Variants in HEG1 observed in about 807,000 individuals in gnomAD.
The protein encoded by HEG1 is protein HEG homolog 1.
HEG1 carries 56 observed loss-of-function variants against 125.6 expected under a neutral mutation model. The ratio of observed to expected loss-of-function variants is 0.45; its 90% confidence interval spans 0.36 to 0.56. HEG1 has a LOEUF of 0.56. Ranked by LOEUF, HEG1 falls within the 20% of genes least tolerant of loss-of-function variation. The pLI, the probability that HEG1 is intolerant of heterozygous loss-of-function variation, is 0.00. For synonymous variants in HEG1, 644 were observed against 668.5 expected (o/e 0.96, Z 0.57); for missense variants, 1,523 against 1,670.0 (o/e 0.91, Z 1.53).
intron 4 of HEG1, among the ~76,000 whole-genome samples, chr3:125,020,580 C>T (rs1397465984): frequency 6.6e-6 from 1 of 152,136 alleles, no homozygotes; most frequent in Non-Finnish European, 1.5e-5. Flanking sequence ...ACACTCAGAG[C>T]CGTAGTTTTC....
chr3:124,980,994 A>T (rs1936639574), intron 14 of HEG1, among the ~76,000 whole-genome samples: 1 of 151,242 alleles, frequency 6.6e-6, no homozygotes, highest in East Asian at 2.0e-4. Context: ...AGCTGGGACC[A>T]CGGGCGCAAC....
In HEG1 at chr3:125,020,792, T is replaced by G; in HGVS notation, c.1252A>C (p.Thr418Pro). The change falls in exon 4 of 17, where the codon ACC becomes CCC. Residue 418 changes from threonine to proline, a missense_variant and splice_region_variant. Transcript: ENST00000311127. ...TSLRWQNDSP[T>P]FGEHQLASSS... Reference sequence around the variant, plus strand: ...GATCAAGTAAAGATGGAATACTTACTTGGGGAATCATTTTGCCAACGCAAA... The same window carrying G: ...GATCAAGTAAAGATGGAATACTTACGTGGGGAATCATTTTGCCAACGCAAA... 1.2e-6 allele frequency: 2 copies of G among 1,610,636 alleles called. No homozygotes were observed. The highest frequency in any genetic ancestry group is 1.7e-6 in the Non-Finnish European group (2 of 1,177,682).
chr3:125,035,081 C>G lies in HEG1; in HGVS notation c.317-5593G>C, dbSNP rs144958154. On this transcript the variant is annotated intron_variant, in intron 1 of 16. Coordinates refer to ENST00000311127, the MANE Select transcript of HEG1 (RefSeq NM_020733.2). ...CTGGGTTCAAGCAATTCTCATGCCTCAGCCTCCTGAGTAGCTGAGATTACA... is the reference window on the plus strand; with the variant it reads ...CTGGGTTCAAGCAATTCTCATGCCTGAGCCTCCTGAGTAGCTGAGATTACA... Among the ~76,000 whole-genome samples the G allele has an allele frequency of 4.3e-3, 655 of 152,306 alleles. 9 individuals are homozygous for G. Among genetic ancestry groups the G allele is most frequent in the African/African-American group, 0.015 (632 of 41,556 alleles).
At chr3:124,994,888 C>T (rs564390420) in intron 12 of HEG1, among the ~76,000 whole-genome samples, 106 of 152,344 alleles carry the variant, frequency 7.0e-4, no homozygotes, top group African/African-American at 2.4e-3. Context: ...TATTTGCTGC[C>T]TTATCATCCA....
chr3:125,042,156 A>G (rs563370224), intron 1 of HEG1, among the ~76,000 whole-genome samples: 216 of 152,354 alleles, frequency 1.4e-3, no homozygotes, highest in African/African-American at 5.1e-3. Context: ...GGCCAAACGC[A>G]GTGGCTCATG....
chr3:125,019,279 G>A lies in HEG1; in HGVS notation c.1571C>T (p.Pro524Leu). 1 of 1,609,524 alleles carries A rather than the reference G, an allele frequency of 6.2e-7. No individual in the cohort carries two copies. Among genetic ancestry groups the A allele is most frequent in the Non-Finnish European group, 8.5e-7 (1 of 1,176,032 alleles). The change falls in exon 5 of 17, where the codon CCA becomes CTA. Residue 524 changes from proline (P) to leucine (L), a missense_variant. Coordinates refer to ENST00000311127, the MANE Select transcript of HEG1 (RefSeq NM_020733.2). Reference sequence around the variant, plus strand: ...AAACTCACTCGAACGTTCTCCACGTGGTGCTGATGAATTCAAGCTTTCCGA... The same window carrying A: ...AAACTCACTCGAACGTTCTCCACGTAGTGCTGATGAATTCAAGCTTTCCGA... ...SSSESLNSSA[P>L]RGERSIAGIS...
intron 12 of HEG1, among the ~76,000 whole-genome samples, chr3:124,992,022 T>C (rs1306944337): frequency 2.0e-5 from 3 of 152,324 alleles, no homozygotes; most frequent in Admixed American, 6.5e-5. Flanking sequence ...TCCCCTTCTT[T>C]AATGTAAATC....
intron 12 of HEG1, 91 bp from the exon 13 acceptor site, chr3:124,991,077 G>T: frequency 1.1e-6 from 1 of 923,210 alleles, no homozygotes; most frequent in Non-Finnish European, 1.7e-6. Context: ...AAGTCCACAA[G>T]ATTATTCTAG....
chr3:125,035,514 A>C (rs1937541013), intron 1 of HEG1, among the ~76,000 whole-genome samples: 1 of 152,186 alleles, frequency 6.6e-6, no homozygotes, highest in Non-Finnish European at 1.5e-5. Context: ...AAATATTTTC[A>C]ACGTGCTGAG....
At chr3:125,019,677 T>G in intron 4 of HEG1, 80 bp from the exon 5 acceptor site, 1 of 1,093,062 alleles carries the variant, frequency 9.1e-7, no homozygotes, top group Non-Finnish European at 1.3e-6. Context: ...GAGACCTCTC[T>G]AGGGAAAGAT....
chr3:124,983,789 CAT>C (rs1164958524), intron 14 of HEG1, among the ~76,000 whole-genome samples: 1 of 152,180 alleles, frequency 6.6e-6, no homozygotes, highest in African/African-American at 2.4e-5. Context: ...CAGTGCCCCA[CAT>C]GATTGTCACT....
At chr3:125,016,712 G>A (rs1258587754) in intron 5 of HEG1, among the ~76,000 whole-genome samples, 1 of 152,146 alleles carries the variant, frequency 6.6e-6, no homozygotes, top group Non-Finnish European at 1.5e-5. Context: ...TCATCAATTA[G>A]GATTCTTATA....
intron 16 of HEG1, chr3:124,971,964 A>G (rs894600169): frequency 2.0e-5 from 3 of 152,030 alleles, no homozygotes; most frequent in Non-Finnish European, 4.4e-5. Flanking sequence ...AATTAAAAAA[A>G]GAAAAAAATT....
chr3:124,982,999 C>CA (rs1295540350), intron 14 of HEG1, among the ~76,000 whole-genome samples: 1 of 152,190 alleles, frequency 6.6e-6, no homozygotes, highest in East Asian at 1.9e-4. Context: ...AGATACATGG[C>CA]AAAGAGTGGA....
At chr3:124,971,135 CA>C (rs1165380693) in intron 16 of HEG1, 11 of 487,286 alleles carry the variant, frequency 2.3e-5, no homozygotes, top group Non-Finnish European at 3.6e-5. Flanking sequence ...AGTTGGATCT[CA>C]AAAAAAGGCT....
At chr3:124,971,117 A>C in intron 16 of HEG1, 2 of 503,542 alleles carry the variant, frequency 4.0e-6, no homozygotes, top group Non-Finnish European at 7.7e-6. Context: ...AGCAATCCTC[A>C]AGTGACCAGT....
intron 8 of HEG1, 63 bp from the exon 9 acceptor site, chr3:125,005,431 T>C (rs988182610): frequency 3.4e-6 from 3 of 878,964 alleles, no homozygotes; most frequent in Middle Eastern, 5.5e-4. Context: ...GGCTGTGTGT[T>C]TGCACATCTC....
intron 15 of HEG1, among the ~76,000 whole-genome samples, chr3:124,975,894 G>T (rs926620703): frequency 1.8e-4 from 27 of 152,220 alleles, no homozygotes; most frequent in Non-Finnish European, 2.9e-5. Flanking sequence ...TTCCATTGTA[G>T]AAATATATCA....
At chr3:125,006,971 G>A (rs555071062) in intron 8 of HEG1, among the ~76,000 whole-genome samples, 80 of 151,982 alleles carry the variant, frequency 5.3e-4, no homozygotes, top group African/African-American at 1.8e-3. Flanking sequence ...AGGCCGAGGC[G>A]GGCGGATCAC....
Sources: allele counts gnomAD v4.1 joint callset (sites outside exome capture counted in the v4.1 genomes callset), GRCh38; gene constraint gnomAD v4.1.1; transcripts MANE v1.5; gene names NCBI Gene and HGNC (gene_info 2026-07-23, HGNC 2026-07-21).